Variants in HSPG2 observed in about 807,000 individuals in gnomAD.
HSPG2 encodes the protein basement membrane-specific heparan sulfate proteoglycan core protein.
HSPG2 carries 278 observed loss-of-function variants against 526.6 expected under a neutral mutation model. That is an observed-to-expected ratio of 0.53 (90% CI 0.48 to 0.58). HSPG2 has a LOEUF of 0.58. Among genes scored for constraint, HSPG2 ranks in the 20% least tolerant of loss-of-function variants. The pLI is 0.00. For synonymous variants in HSPG2, 2,465 were observed against 2,555.4 expected (o/e 0.96, Z 1.07); for missense variants, 5,354 against 6,099.5 (o/e 0.88, Z 4.07).
At position 21,865,800 on chromosome 1, in the gene HSPG2, A is replaced by C; in HGVS notation, c.4231T>G (p.Tyr1411Asp). Reference sequence around the variant, plus strand: ...AGGGTGTATCGCAACTTCCCACCGTAGGCCGCCACCTGCAAAGAGGCAAGC... The same window carrying C: ...AGGGTGTATCGCAACTTCCCACCGTCGGCCGCCACCTGCAAAGAGGCAAGC... ...ETYQGDKVAA[Y>D]GGKLRYTLSY... is the part of the protein sequence containing the mutation. The change falls in exon 34 of 97, where the codon TAC becomes GAC. Residue 1411 changes from tyrosine (Y) to aspartate (D), a missense_variant. Physicochemically the swap from Tyr to Asp is radical, Grantham distance 160. Coordinates refer to ENST00000374695, the MANE Select transcript of HSPG2 (RefSeq NM_005529.7). This position sits in a 1 kb window ranked among gnomAD's most constrained non-coding sequence, Gnocchi z 5.4. 6.2e-7 allele frequency: 1 copy of C among 1,613,506 alleles called. No homozygotes were observed. Among genetic ancestry groups the C allele is most frequent in the Non-Finnish European group, 8.5e-7 (1 of 1,179,858 alleles).
Position 21,885,402 on chromosome 1 carries a change from G to C in HSPG2, c.1128C>G (p.Val376=). 2 of 1,614,116 alleles carry C rather than the reference G, an allele frequency of 1.2e-6. No individual in the cohort carries two copies. Among genetic ancestry groups the C allele is most frequent in the Non-Finnish European group, 1.7e-6 (2 of 1,180,004 alleles). ...EVCGPTQFRC[V]STNMCIPASF... ...TGGCTGGGATGCACATGTTGGTAGAGACGCATCGGAACTGTGTGGGCCCGC... is the reference window on the plus strand; with the variant it reads ...TGGCTGGGATGCACATGTTGGTAGACACGCATCGGAACTGTGTGGGCCCGC... Residue 376 remains valine, a synonymous_variant, in exon 10 of 97, where the codon GTC becomes GTG. Transcript: ENST00000374695.
intron 69 of HSPG2, 58 bp from the exon 70 acceptor site, chr1:21,841,731 G>A: frequency 6.2e-7 from 1 of 1,604,400 alleles, no homozygotes; most frequent in Non-Finnish European, 8.5e-7. Context: ...CTCGTGTCTT[G>A]GTGCTGCCAG....
intron 71 of HSPG2, among the ~76,000 whole-genome samples, chr1:21,840,553 G>A (rs1355365221): frequency 6.6e-5 from 10 of 151,964 alleles, no homozygotes; most frequent in Non-Finnish European, 1.3e-4. Context: ...TGATCCGCCC[G>A]CCTCAGCCTC....
intron 37 of HSPG2, among the ~76,000 whole-genome samples, chr1:21,863,189 A>T (rs1187223259): frequency 1.3e-4 from 19 of 151,202 alleles, no homozygotes; most frequent in South Asian, 4.2e-4. Context: ...TGGCTGACAC[A>T]GGTGAAACCC....
intron 76 of HSPG2, 25 bp downstream of exon 76, chr1:21,835,515 C>T (rs1163974763): frequency 6.6e-7 from 1 of 1,507,190 alleles, no homozygotes; most frequent in Non-Finnish European, 9.2e-7. Context: ...CTGCTCTTAG[C>T]AGAGGCCTGA....
At chr1:21,881,649 A>G in intron 13 of HSPG2, 147 bp from the exon 14 acceptor site, 1 of 811,752 alleles carries the variant, frequency 1.2e-6, no homozygotes, top group Non-Finnish European at 1.9e-6. Context: ...AAGTGAAGAA[A>G]ATGCAGTTTT....
chr1:21,924,550 A>G (rs4233278), intron 1 of HSPG2, among the ~76,000 whole-genome samples: 140,514 of 151,910 alleles, frequency 0.92, 65,734 homozygotes, highest in South Asian at 0.99. Context: ...TGCTTGGAAG[A>G]CGGCCAACAA....
rs751390799 is a variant in HSPG2 at position 21,880,697 on chromosome 1, G to T, written c.1957C>A (p.Gln653Lys). Residue 653 changes from glutamine (Q) to lysine (K), a missense_variant, in exon 15 of 97, where the codon CAA becomes AAA. Transcript: ENST00000374695. ...TGGCGCTGGTTCAGAGCACCAGGTT[G>T]GGTGGGTGTGTGGCCTCGGGAGAGG... is the stretch of plus-strand genomic sequence containing the variant. ...RLLSRGHTPTQPGALNQRQVQ... is the reference protein window; with the variant it reads ...RLLSRGHTPTKPGALNQRQVQ... The T allele has an allele frequency of 1.2e-5, 19 of 1,599,800 alleles. No homozygotes were observed. The East Asian group carries it at 2.9e-4, about 25-fold the overall frequency.
At chr1:21,832,408 C>T (rs2098008438) in intron 81 of HSPG2, 87 bp downstream of exon 81, 1 of 1,109,440 alleles carries the variant, frequency 9.0e-7, no homozygotes, top group African/African-American at 1.5e-5. Context: ...TCCAGATCTC[C>T]TTTGTATAAT....
chr1:21,902,461 G>A (rs35443189), intron 1 of HSPG2, among the ~76,000 whole-genome samples: 75 of 152,258 alleles, frequency 4.9e-4, no homozygotes, highest in Non-Finnish European at 8.4e-4. Context: ...ACAACCTCAC[G>A]AGGGAGACAC....
intron 44 of HSPG2, 31 bp from the exon 45 acceptor site, chr1:21,855,943 AG>A (rs756638500): frequency 1.2e-6 from 2 of 1,602,146 alleles, no homozygotes; most frequent in Admixed American, 1.7e-5. Flanking sequence ...ACATGCACTC[AG>A]GGTGGGGAGT....
intron 91 of HSPG2, among the ~76,000 whole-genome samples, chr1:21,827,107 C>G (rs893171936): frequency 6.6e-6 from 1 of 151,792 alleles, no homozygotes; most frequent in East Asian, 1.9e-4. Context: ...ACTCAGGAAG[C>G]TGAGGCAGCA....
In HSPG2 at chr1:21,827,865, T is replaced by C; in HGVS notation, c.12587A>G (p.Asn4196Ser). ...AGGAGGCCATGGCAAGTACTCACCATTGCCCCCGCTGCCTTCAAGATGCCA... is the reference window on the plus strand; with the variant it reads ...AGGAGGCCATGGCAAGTACTCACCACTGCCCCCGCTGCCTTCAAGATGCCA... ...SDWHLEGSGG[N>S]DAPGQYGAYF... is the part of the protein sequence containing the mutation. Residue 4196 changes from asparagine (N) to serine (S), a missense_variant and splice_region_variant, in exon 91 of 97, where the codon AAT becomes AGT. Physicochemically the swap from Asn to Ser is conservative, Grantham distance 46 (BLOSUM62 1). Transcript: ENST00000374695. 1 of 1,581,884 alleles carries C rather than the reference T, an allele frequency of 6.3e-7. No homozygotes were observed. The highest frequency in any genetic ancestry group is 1.2e-5 in the South Asian group (1 of 86,448).
At chr1:21,931,832 G>C (rs1041475151) in intron 1 of HSPG2, among the ~76,000 whole-genome samples, 1 of 152,114 alleles carries the variant, frequency 6.6e-6, no homozygotes, top group Non-Finnish European at 1.5e-5. Flanking sequence ...GAGCCCCCAG[G>C]GAACAGCCAG....
chr1:21,878,498 G>C lies in HSPG2; in HGVS notation c.2559-7C>G. On this transcript the variant is annotated splice_region_variant and splice_polypyrimidine_tract_variant and intron_variant, in intron 19 of 96. Coordinates refer to ENST00000374695, the MANE Select transcript of HSPG2 (RefSeq NM_005529.7). ...CTCGTATCCGGGGGCACAGCTAGGG[G>C]AGAGAGGGGGCCGCCATCAGCACTT... 6.2e-7 allele frequency: 1 copy of C among 1,613,302 alleles called. No homozygotes were observed.
chr1:21,875,376 G>A (rs1640969361), intron 25 of HSPG2, among the ~76,000 whole-genome samples: 1 of 152,106 alleles, frequency 6.6e-6, no homozygotes, highest in Admixed American at 6.5e-5. Context: ...ATCCCTGCAT[G>A]GCCCCTCCCC....
chr1:21,888,573 T>C, intron 6 of HSPG2: 1 of 884,408 alleles, frequency 1.1e-6, no homozygotes. Flanking sequence ...CCCAAAGTGC[T>C]GGGGTTACAG....
Position 21,839,691 on chromosome 1 carries a change from A to G in HSPG2, c.9709+131T>C. On this transcript the variant is annotated intron_variant, in intron 72 of 96. Coordinates refer to ENST00000374695, the MANE Select transcript of HSPG2 (RefSeq NM_005529.7). This position sits in a 1 kb window ranked among gnomAD's most constrained non-coding sequence, Gnocchi z 4.5. ...TGGGTTCCTCGGCCATCACTGGGGG[A>G]TGCTAGCAACACGGTCTCCCCGTAC... 1 of 1,356,452 alleles carries G rather than the reference A, an allele frequency of 7.4e-7. No individual in the cohort carries two copies. The highest frequency in any genetic ancestry group is 1.0e-6 in the Non-Finnish European group (1 of 974,672). 84.0% of individuals were successfully genotyped at this position (1,356,452 alleles called of 1,614,324 possible). A position where few individuals can be genotyped will look rare whatever the true frequency, so the allele number is the denominator to read the frequency against.
chr1:21,831,010 C>T lies in HSPG2; in HGVS notation c.11643G>A (p.Glu3881=), dbSNP rs1253472807. ...CPAGFTGSRC[E]HSQALHCHPE... Reference sequence around the variant, plus strand: ...GATGGCAGTGCAGGGCCTGCGAGTGCTCACAGCGGCTCCCGGTGAAGCCAG... The same window carrying T: ...GATGGCAGTGCAGGGCCTGCGAGTGTTCACAGCGGCTCCCGGTGAAGCCAG... Residue 3881 remains glutamate (E), a synonymous_variant, in exon 85 of 97, where the codon GAG becomes GAA. Transcript: ENST00000374695. The T allele has an allele frequency of 1.9e-6, 3 of 1,588,382 alleles. No individual in the cohort carries two copies. Among genetic ancestry groups the T allele is most frequent in the Non-Finnish European group, 8.6e-7 (1 of 1,167,456 alleles).
Sources: allele counts gnomAD v4.1 joint callset (sites outside exome capture counted in the v4.1 genomes callset), GRCh38; gene constraint gnomAD v4.1.1; non-coding constraint Gnocchi (gnomAD v3.1); transcripts MANE v1.5; gene names NCBI Gene and HGNC (gene_info 2026-07-23, HGNC 2026-07-21).